The following RNF111 variants were observed in gnomAD, a reference collection of about 807,000 sequenced individuals.
RNF111 encodes E3 ubiquitin-protein ligase Arkadia.
In RNF111, 17 loss-of-function variants were observed where a neutral mutation model predicts 95.1. That is an observed-to-expected ratio of 0.18 (90% CI 0.12 to 0.27). The LOEUF (loss-of-function observed/expected upper bound fraction) is 0.27. RNF111 is among the 10% of genes least tolerant of loss of function. The pLI, the probability that RNF111 is intolerant of heterozygous loss-of-function variation, is 1.00. For missense variants in RNF111, 1,189 were observed against 1,210.4 expected, an observed-to-expected ratio of 0.98 and a Z score of 0.26; for synonymous variants, 440 against 414.8, an observed-to-expected ratio of 1.06 and a Z score of -0.74.
chr15:59,006,120 G>A (rs2039530607), intron 1 of RNF111, among the ~76,000 whole-genome samples: 1 of 152,190 alleles, frequency 6.6e-6, no homozygotes, highest in African/African-American at 2.4e-5. Context: ...TTAGGGTGAT[G>A]GGATTGGGAC....
In RNF111 at chr15:59,092,594, A is replaced by G; in HGVS notation, c.2797A>G (p.Lys933Glu). Residue 933 changes from lysine to glutamate, a missense_variant, in exon 13 of 14, where the codon AAA (lysine) becomes GAA (glutamate). This residue lies in a region of RNF111 where 165 missense variants were observed against 284.6 expected (regional missense o/e 0.58). Transcript: ENST00000348370. Reference sequence around the variant, plus strand: ...AGGGACTGAGGAAGACACAGAGGAAAAATGTACTATCTGTTTGTCTATTTT... The same window carrying G: ...AGGGACTGAGGAAGACACAGAGGAAGAATGTACTATCTGTTTGTCTATTTT... ...EEGTEEDTEE[K>E]CTICLSILEE... is the part of the protein sequence containing the mutation. 1.2e-6 allele frequency: 2 copies of G among 1,613,128 alleles called. No individual in the cohort carries two copies. Among genetic ancestry groups the G allele is most frequent in the Non-Finnish European group, 1.7e-6 (2 of 1,179,258 alleles).
chr15:59,084,010 T>C, intron 8 of RNF111, 119 bp from the exon 9 acceptor site: 3 of 736,802 alleles, frequency 4.1e-6, no homozygotes, highest in Non-Finnish European at 5.7e-6. Flanking sequence ...AAAATTTATT[T>C]TATGACTAAT....
chr15:59,071,314 AAAAG>A (rs2042916216), intron 6 of RNF111, among the ~76,000 whole-genome samples: 2 of 150,902 alleles, frequency 1.3e-5, no homozygotes, highest in Non-Finnish European at 3.0e-5. Flanking sequence ...AAAAAAAAAA[AAAAG>A]AATACGAAGA....
intron 5 of RNF111, among the ~76,000 whole-genome samples, chr15:59,066,383 G>A (rs1473598701): frequency 6.6e-6 from 1 of 152,182 alleles, no homozygotes; most frequent in East Asian, 1.9e-4. Context: ...GGCTGAGGCG[G>A]GCAGATCACC....
In RNF111 at chr15:59,076,172, A is replaced by C. The variant is rs750603857; in HGVS notation, c.1905A>C (p.Pro635=). Residue 635 remains proline (P), a synonymous_variant, in exon 7 of 14, where the codon CCA becomes CCC. Transcript: ENST00000348370. ...CGCAGCCCCAGCCCCAGCCCCCTCC[A>C]CAGCCCTCTCTCTCATCATGTCGAC... ...MVAQPQPQPP[P]QPSLSSCRHY... is the part of the protein sequence containing the mutation. 1 of 1,613,256 alleles carries C rather than the reference A, an allele frequency of 6.2e-7. No homozygotes were observed. The highest frequency in any genetic ancestry group is 8.5e-7 in the Non-Finnish European group (1 of 1,179,850).
intron 7 of RNF111, among the ~76,000 whole-genome samples, chr15:59,077,528 CAT>C (rs1461887518): frequency 3.3e-5 from 5 of 152,228 alleles, no homozygotes; most frequent in East Asian, 1.9e-4. Flanking sequence ...GGAAATCAAA[CAT>C]ATTCTACTTC....
At chr15:59,025,671 G>T (rs1239223712) in intron 1 of RNF111, among the ~76,000 whole-genome samples, 3 of 151,326 alleles carry the variant, frequency 2.0e-5, no homozygotes, top group Non-Finnish European at 2.9e-5. Context: ...ATTTCTAGTT[G>T]ATTTTCTGAT....
At position 59,051,885 on chromosome 15, in the gene RNF111, A is replaced by C. The variant is rs192177322; in HGVS notation, c.881-420A>C. On this transcript the variant is annotated intron_variant, in intron 2 of 13. Transcript: ENST00000348370. ...TTTTTTTAAAAGAATATATCACCTA[A>C]ATGAAAACAACCTTGGAAAAAACAT... is the stretch of plus-strand genomic sequence containing the variant. Among the ~76,000 whole-genome samples, 466 of 152,212 alleles carry C rather than the reference A, an allele frequency of 3.1e-3. 3 individuals are homozygous for C. The highest frequency in any genetic ancestry group is 3.4e-3 in the Middle Eastern group (1 of 294).
At position 59,066,848 on chromosome 15, in the gene RNF111, A is replaced by T; in HGVS notation, c.1451A>T (p.His484Leu). The change falls in exon 6 of 14, where the codon CAC (histidine) becomes CTC (leucine). Residue 484 changes from histidine (H) to leucine (L), a missense_variant. Physicochemically the swap from His to Leu is moderately conservative, Grantham distance 99. Transcript: ENST00000348370. Reference sequence around the variant, plus strand: ...AGGTTACCTTCCTGCTGTCCCCAGCACTCACCATGTGGAGGGTCGTCACAG... The same window carrying T: ...AGGTTACCTTCCTGCTGTCCCCAGCTCTCACCATGTGGAGGGTCGTCACAG... ...MPRLPSCCPQ[H>L]SPCGGSSQNH... 1 of 1,613,982 alleles carries T rather than the reference A, an allele frequency of 6.2e-7. No individual in the cohort carries two copies. Among genetic ancestry groups the T allele is most frequent in the Non-Finnish European group, 8.5e-7 (1 of 1,179,982 alleles).
chr15:59,056,122 T>TA (rs2042190799), intron 4 of RNF111, among the ~76,000 whole-genome samples: 1 of 152,198 alleles, frequency 6.6e-6, no homozygotes, highest in South Asian at 2.1e-4. Context: ...TTTAGTTTGA[T>TA]TTGTAATAAT....
In RNF111 at chr15:59,044,162, C is replaced by T. The variant is rs542874392; in HGVS notation, c.881-8143C>T. Among the ~76,000 whole-genome samples, 5 of 152,290 alleles carry T rather than the reference C, an allele frequency of 3.3e-5. No homozygotes were observed. In the East Asian group the frequency reaches 9.6e-4, roughly 29 times the overall value. On this transcript the variant is annotated intron_variant, in intron 2 of 13. Coordinates refer to ENST00000348370, the MANE Select transcript of RNF111 (RefSeq NM_017610.8). ...TCTCCTGCCTCAGCCTCATGAGTAG[C>T]TGGGATTAGAGGCACACATCACCAT...
intron 12 of RNF111, among the ~76,000 whole-genome samples, chr15:59,092,274 A>G (rs1206267718): frequency 4.6e-5 from 7 of 152,224 alleles, no homozygotes; most frequent in African/African-American, 1.7e-4. Context: ...ATTGTGGATT[A>G]AAAGTAATAG....
chr15:59,000,652 T>C (rs1439742440), intron 1 of RNF111, among the ~76,000 whole-genome samples: 1 of 149,828 alleles, frequency 6.7e-6, no homozygotes, highest in Non-Finnish European at 1.5e-5. Context: ...GATGTTTCAG[T>C]GAGCCAAGAT....
intron 1 of RNF111, among the ~76,000 whole-genome samples, chr15:59,012,623 T>A (rs1219403051): frequency 6.6e-6 from 1 of 152,234 alleles, no homozygotes; most frequent in Non-Finnish European, 1.5e-5. Flanking sequence ...AAATTACGTA[T>A]AATTTTTTGA....
intron 1 of RNF111, among the ~76,000 whole-genome samples, chr15:58,995,243 A>T (rs182066126): frequency 3.9e-5 from 6 of 152,290 alleles, no homozygotes; most frequent in Admixed American, 1.3e-4. Context: ...AATGGTTGGA[A>T]AGTGTTTATT....
At chr15:59,072,664 C>T (rs982480909) in intron 6 of RNF111, among the ~76,000 whole-genome samples, 3 of 151,450 alleles carry the variant, frequency 2.0e-5, no homozygotes, top group South Asian at 2.1e-4. Flanking sequence ...GTGATAGCCA[C>T]GTTGGTCTCA....
In RNF111 at chr15:59,002,577, G is replaced by C. The variant is rs2039370778; in HGVS notation, c.-20+14509G>C. Among the ~76,000 whole-genome samples, 3 of 151,704 alleles carry C rather than the reference G, an allele frequency of 2.0e-5. No individual in the cohort carries two copies. In the South Asian group the frequency reaches 6.2e-4, roughly 32 times the overall value. On this transcript the variant is annotated intron_variant, in intron 1 of 13. Transcript: ENST00000348370. ...AATTAAAAAAAAAAAAAGAGAGAGA[G>C]TGACCAAACTCAACAACTTAGATAG...
Position 59,095,883 on chromosome 15 carries a change from T to C in RNF111, c.*983T>C, listed in dbSNP as rs1456241869. On this transcript the variant is annotated 3_prime_UTR_variant, in exon 14 of 14. Coordinates refer to ENST00000348370, the MANE Select transcript of RNF111 (RefSeq NM_017610.8). ...TCACTGGCAGGTATCTGTGCATTCATAGAACTTATAAAGGTCCCAGGATCA... is the reference window on the plus strand; with the variant it reads ...TCACTGGCAGGTATCTGTGCATTCACAGAACTTATAAAGGTCCCAGGATCA... 1.0e-5 allele frequency: 4 copies of C among 396,640 alleles called. No homozygotes were observed. The highest frequency in any genetic ancestry group is 2.1e-5 in the African/African-American group (1 of 48,592). The allele number at this position is 396,640 out of a possible 1,614,324, so 24.6% of individuals were successfully genotyped here. A position where few individuals can be genotyped will look rare whatever the true frequency, so the allele number is the denominator to read the frequency against.
chr15:59,036,815 T>A (rs1445796007), intron 2 of RNF111, among the ~76,000 whole-genome samples: 2 of 152,070 alleles, frequency 1.3e-5, no homozygotes, highest in African/African-American at 4.8e-5. Context: ...ATCAGTTCAT[T>A]TGTGGTTCTT....
Sources: allele counts gnomAD v4.1 joint callset (sites outside exome capture counted in the v4.1 genomes callset), GRCh38; gene constraint gnomAD v4.1.1; regional missense constraint gnomAD v4.1.1; transcripts MANE v1.5; gene names NCBI Gene and HGNC (gene_info 2026-07-23, HGNC 2026-07-21).